Variants in EVA1A observed in about 807,000 individuals in gnomAD.
The protein encoded by EVA1A is eva-1 homolog A, regulator of programmed cell death.
In EVA1A, 7 loss-of-function variants were observed where a neutral mutation model predicts 9.8. That is an observed-to-expected ratio of 0.71 (90% CI 0.41 to 1.34). EVA1A has a LOEUF of 1.34. EVA1A is among the 40% of genes most tolerant of loss of function. EVA1A has a pLI of 0.01. For missense variants in EVA1A, 206 were observed against 205.9 expected (o/e 1.00, Z 0.00); for synonymous variants, 90 against 85.6 (o/e 1.05, Z -0.28).
intron 3 of EVA1A, among the ~76,000 whole-genome samples, chr2:75,498,447 T>C (rs932867749): frequency 1.3e-5 from 2 of 151,966 alleles, no homozygotes; most frequent in African/African-American, 4.8e-5. Flanking sequence ...TTTACCCATG[T>C]AACAAAACTG....
At chr2:75,559,346 C>T (rs1676833095) in intron 1 of EVA1A, among the ~76,000 whole-genome samples, 1 of 152,170 alleles carries the variant, frequency 6.6e-6, no homozygotes, top group Non-Finnish European at 1.5e-5. Flanking sequence ...TTACTTTAAG[C>T]CCTAGCATCC....
intron 1 of EVA1A, among the ~76,000 whole-genome samples, chr2:75,559,707 G>GGC (rs1676851149): frequency 8.0e-6 from 1 of 124,906 alleles, no homozygotes; most frequent in Non-Finnish European, 1.7e-5. Flanking sequence ...TGGGGGGGGG[G>GGC]CGGGGGAGTT....
chr2:75,505,664 T>A (rs1465552363), intron 3 of EVA1A, among the ~76,000 whole-genome samples: 1 of 151,706 alleles, frequency 6.6e-6, no homozygotes, highest in Non-Finnish European at 1.5e-5. Flanking sequence ...TACAAAAAAA[T>A]TTAGCTGGGC....
At chr2:75,530,067 A>T (rs1675588081) in intron 1 of EVA1A, among the ~76,000 whole-genome samples, 1 of 152,156 alleles carries the variant, frequency 6.6e-6, no homozygotes, top group Non-Finnish European at 1.5e-5. Context: ...AACAGGAGAT[A>T]TTACAACCGA....
chr2:75,553,687 T>C (rs1676603452), intron 1 of EVA1A, among the ~76,000 whole-genome samples: 1 of 152,334 alleles, frequency 6.6e-6, no homozygotes, highest in Non-Finnish European at 1.5e-5. Context: ...TCAGACTAAA[T>C]GTCCAGTCAT....
chr2:75,497,809 C>T (rs952740379), intron 3 of EVA1A, among the ~76,000 whole-genome samples: 1 of 141,434 alleles, frequency 7.1e-6, no homozygotes, highest in South Asian at 2.2e-4. Context: ...TGAGATTGTA[C>T]CACTGTACTC....
intron 1 of EVA1A, among the ~76,000 whole-genome samples, chr2:75,553,299 T>G (rs1676588551): frequency 6.6e-6 from 1 of 152,236 alleles, no homozygotes; most frequent in Non-Finnish European, 1.5e-5. Context: ...GCCTCTAGTG[T>G]GGTACTTTAG....
intron 1 of EVA1A, among the ~76,000 whole-genome samples, chr2:75,524,520 G>C (rs1675350579): frequency 6.6e-6 from 1 of 152,032 alleles, no homozygotes; most frequent in Middle Eastern, 3.2e-3. Flanking sequence ...CTACAGGCTA[G>C]TGCTTCTGAA....
At chr2:75,557,749 A>T (rs1676765460) in intron 1 of EVA1A, among the ~76,000 whole-genome samples, 1 of 152,226 alleles carries the variant, frequency 6.6e-6, no homozygotes, top group African/African-American at 2.4e-5. Context: ...CATCAAGATC[A>T]GTGGTGCTAG....
At chr2:75,494,709 C>A (rs149431963) in intron 3 of EVA1A, among the ~76,000 whole-genome samples, 6 of 152,290 alleles carry the variant, frequency 3.9e-5, no homozygotes, top group Non-Finnish European at 7.3e-5. Flanking sequence ...TAAGCCACAC[C>A]CAGATTTCTG....
At chr2:75,519,674 T>C (rs1475338031) in intron 2 of EVA1A, among the ~76,000 whole-genome samples, 1 of 152,166 alleles carries the variant, frequency 6.6e-6, no homozygotes, top group East Asian at 1.9e-4. Flanking sequence ...AACTGGATGA[T>C]ACACGTGAAT....
chr2:75,505,663 A>T (rs1572950030), intron 3 of EVA1A, among the ~76,000 whole-genome samples: 1 of 151,998 alleles, frequency 6.6e-6, no homozygotes, highest in Admixed American at 6.6e-5. Context: ...ATACAAAAAA[A>T]TTTAGCTGGG....
At chr2:75,494,595 T>G (rs1490914090) in intron 3 of EVA1A, among the ~76,000 whole-genome samples, 1 of 152,196 alleles carries the variant, frequency 6.6e-6, no homozygotes, top group African/African-American at 2.4e-5. Flanking sequence ...CCAACAGCCA[T>G]GTGAATGAGC....
chr2:75,543,054 G>A (rs1479943957), intron 1 of EVA1A, among the ~76,000 whole-genome samples: 2 of 152,182 alleles, frequency 1.3e-5, no homozygotes, highest in Admixed American at 1.3e-4. Context: ...GGCAGGAAAT[G>A]GCTGTATAGA....
At chr2:75,525,559 A>T (rs1313064104) in intron 1 of EVA1A, among the ~76,000 whole-genome samples, 1 of 152,190 alleles carries the variant, frequency 6.6e-6, no homozygotes, top group African/African-American at 2.4e-5. Flanking sequence ...CTTGTGTTCC[A>T]TCCTTCTGCA....
intron 3 of EVA1A, among the ~76,000 whole-genome samples, chr2:75,515,642 C>T (rs976259692): frequency 6.6e-6 from 1 of 152,190 alleles, no homozygotes; most frequent in African/African-American, 2.4e-5. Context: ...ACTCAACCAG[C>T]AGAGGAGCAG....
chr2:75,495,050 A>G (rs950830383), intron 3 of EVA1A, among the ~76,000 whole-genome samples: 10 of 152,072 alleles, frequency 6.6e-5, no homozygotes, highest in African/African-American at 2.2e-4. Context: ...CCTTGAGTAC[A>G]CCGTACCCAA....
intron 2 of EVA1A, chr2:75,518,930 G>A (rs776931333): frequency 1.3e-5 from 12 of 935,904 alleles, no homozygotes; most frequent in South Asian, 4.9e-5. Context: ...TTGAGAGCTC[G>A]AGCTGCTCCC....
At chr2:75,548,983 A>AAAAAAAAAAT (rs377340236) in intron 1 of EVA1A, among the ~76,000 whole-genome samples, 1 of 133,704 alleles carries the variant, frequency 7.5e-6, no homozygotes. Flanking sequence ...CTAAATGAAA[A>AAAAAAAAAAT]ATATATATAT....
Sources: gnomAD v4.1 joint callset for allele counts (sites outside exome capture counted in the v4.1 genomes callset) on GRCh38, gnomAD v4.1.1 for gene constraint, MANE v1.5 for transcripts, NCBI Gene and HGNC (gene_info 2026-07-23, HGNC 2026-07-21) for gene names.